Variants in RAD51B observed in about 807,000 individuals in gnomAD.
RAD51B encodes the protein RAD51 paralog B.
In RAD51B, 38 loss-of-function variants were observed where a neutral mutation model predicts 42.2. That is an observed-to-expected ratio of 0.90 (90% confidence interval 0.70 to 1.18). The LOEUF (loss-of-function observed/expected upper bound fraction) is 1.18, where lower values mean the gene tolerates loss of function less well. Among genes scored for constraint, RAD51B ranks in the 50% most tolerant of loss-of-function variants. RAD51B has a pLI of 0.00. For missense variants in RAD51B, 373 were observed against 400.7 expected, an observed-to-expected ratio of 0.93 and a Z score of 0.59; for synonymous variants, 154 against 145.2, an observed-to-expected ratio of 1.06 and a Z score of -0.43.
At chr14:68,044,061 T>G (rs955278436) in intron 7 of RAD51B, among the ~76,000 whole-genome samples, 4 of 152,208 alleles carry the variant, frequency 2.6e-5, no homozygotes, top group Admixed American at 6.5e-5. Context: ...AAAAACAGGT[T>G]TTTTCTTGTC....
intron 10 of RAD51B, among the ~76,000 whole-genome samples, chr14:68,491,955 G>A (rs540097339): frequency 6.6e-6 from 1 of 152,202 alleles, no homozygotes; most frequent in Non-Finnish European, 1.5e-5. Context: ...AAGCCCCACC[G>A]ATTCCAGCGG....
At chr14:67,950,622 AT>A (rs1019623901) in intron 7 of RAD51B, among the ~76,000 whole-genome samples, 3 of 152,058 alleles carry the variant, frequency 2.0e-5, no homozygotes, top group African/African-American at 7.2e-5. Context: ...TCCTTCAAGA[AT>A]TTTTTTGTTT....
At chr14:68,180,048 A>G (rs578254359) in intron 7 of RAD51B, among the ~76,000 whole-genome samples, 1 of 152,200 alleles carries the variant, frequency 6.6e-6, no homozygotes, top group African/African-American at 2.4e-5. Flanking sequence ...GCATTCTGAG[A>G]CTAGAGCTTG....
chr14:68,633,343 G>C (rs112174742), intron 10 of RAD51B, among the ~76,000 whole-genome samples: 1 of 152,084 alleles, frequency 6.6e-6, no homozygotes, highest in Non-Finnish European at 1.5e-5. Flanking sequence ...GAGCTACAAC[G>C]CCAAGGCTCG....
chr14:68,417,097 C>T (rs537833992), intron 9 of RAD51B, among the ~76,000 whole-genome samples: 2 of 152,274 alleles, frequency 1.3e-5, no homozygotes, highest in South Asian at 4.2e-4. Context: ...TGATGTAAGT[C>T]ATAGTTGTAT....
chr14:68,472,976 C>A (rs529919644), intron 10 of RAD51B, among the ~76,000 whole-genome samples: 2 of 152,280 alleles, frequency 1.3e-5, no homozygotes, highest in South Asian at 2.1e-4. Flanking sequence ...CACAAACTTG[C>A]GTTAAGTTTT....
intron 7 of RAD51B, among the ~76,000 whole-genome samples, chr14:67,980,391 C>T (rs907926122): frequency 3.9e-5 from 6 of 152,156 alleles, no homozygotes; most frequent in Admixed American, 1.3e-4. Context: ...TTGCAGTGAG[C>T]CAAGATCGCG....
chr14:68,209,219 T>G (rs1029569606), intron 7 of RAD51B, among the ~76,000 whole-genome samples: 3 of 152,330 alleles, frequency 2.0e-5, no homozygotes, highest in Admixed American at 1.3e-4. Context: ...CTAATACTTT[T>G]GGGACATGTT....
chr14:67,867,565 T>C (rs2042368989), intron 5 of RAD51B, among the ~76,000 whole-genome samples: 1 of 152,220 alleles, frequency 6.6e-6, no homozygotes, highest in Non-Finnish European at 1.5e-5. Flanking sequence ...GTAGTCCTCT[T>C]GTAGATTTCT....
At chr14:68,209,803 C>G (rs1274652) in intron 7 of RAD51B, among the ~76,000 whole-genome samples, 24,132 of 152,014 alleles carry the variant, frequency 0.16, 2,031 homozygotes, top group Middle Eastern at 0.35. Flanking sequence ...TTATTGTAAT[C>G]GTGATTTTCT....
intron 7 of RAD51B, among the ~76,000 whole-genome samples, chr14:68,225,082 G>T (rs929841562): frequency 6.6e-6 from 1 of 152,084 alleles, no homozygotes; most frequent in African/African-American, 2.4e-5. Flanking sequence ...AGACATACAA[G>T]TGTGCAATTT....
chr14:68,282,903 C>T (rs905968317), intron 7 of RAD51B, among the ~76,000 whole-genome samples: 1 of 152,130 alleles, frequency 6.6e-6, no homozygotes, highest in Non-Finnish European at 1.5e-5. Flanking sequence ...GGGGGGGACC[C>T]GAGACTCCTC....
chr14:68,093,529 A>G (rs528842721), intron 7 of RAD51B, among the ~76,000 whole-genome samples: 51 of 152,128 alleles, frequency 3.4e-4, no homozygotes, highest in East Asian at 2.3e-3. Flanking sequence ...TTGTATTTCT[A>G]TGGGATCGGT....
At chr14:68,374,883 A>G (rs2083334556) in intron 8 of RAD51B, among the ~76,000 whole-genome samples, 1 of 151,654 alleles carries the variant, frequency 6.6e-6, no homozygotes, top group African/African-American at 2.4e-5. Flanking sequence ...TGGCATCTGA[A>G]TGCACAGTCC....
chr14:68,507,958 C>T (rs1442439636), intron 10 of RAD51B, among the ~76,000 whole-genome samples: 1 of 152,172 alleles, frequency 6.6e-6, no homozygotes, highest in Non-Finnish European at 1.5e-5. Flanking sequence ...GGTTTACACC[C>T]ACAACCTTTG....
intron 10 of RAD51B, among the ~76,000 whole-genome samples, chr14:68,469,412 G>A (rs1463452348): frequency 5.3e-5 from 8 of 152,182 alleles, no homozygotes; most frequent in African/African-American, 1.9e-4. Context: ...TGTTTGTTTG[G>A]TGCAGCTGAG....
chr14:68,545,772 A>C, intron 10 of RAD51B: 1 of 367,752 alleles, frequency 2.7e-6, no homozygotes, highest in Non-Finnish European at 5.5e-6. Flanking sequence ...TGGAATATAG[A>C]GTAGGGGGTT....
intron 7 of RAD51B, among the ~76,000 whole-genome samples, chr14:68,163,179 A>G (rs777874926): frequency 2.0e-5 from 3 of 152,230 alleles, no homozygotes; most frequent in African/African-American, 4.8e-5. Flanking sequence ...TGGATTTCAT[A>G]TAAGAAATCT....
chr14:68,275,794 C>CCACA (rs10641411), intron 7 of RAD51B, among the ~76,000 whole-genome samples: 8,683 of 141,244 alleles, frequency 0.061, 277 homozygotes, highest in East Asian at 0.13. Flanking sequence ...AACTAGCTCT[C>CCACA]CACACACACA....
Sources: gnomAD v4.1 joint callset for allele counts (sites outside exome capture counted in the v4.1 genomes callset) on GRCh38, gnomAD v4.1.1 for gene constraint, MANE v1.5 for transcripts, NCBI Gene and HGNC (gene_info 2026-07-23, HGNC 2026-07-21) for gene names.